GRIK4: variants seen among roughly 807,000 people sequenced by gnomAD.
GRIK4 encodes glutamate receptor ionotropic, kainate 4.
Under a neutral mutation model 104.9 loss-of-function variants are expected in GRIK4, and 40 were observed. That is an observed-to-expected ratio of 0.38 (90% confidence interval 0.30 to 0.50). The LOEUF is 0.50. Ranked by LOEUF, GRIK4 falls within the 20% of genes least tolerant of loss-of-function variation. GRIK4 has a pLI of 0.93. For synonymous variants in GRIK4, 485 were observed against 524.9 expected (o/e 0.92, Z 1.04); for missense variants, 1,047 against 1,308.1 (o/e 0.80, Z 3.08).
At chr11:120,755,641 A>AAATAAT (rs370369560) in intron 3 of GRIK4, among the ~76,000 whole-genome samples, 61 of 149,500 alleles carry the variant, frequency 4.1e-4, no homozygotes, top group African/African-American at 1.3e-3. Context: ...CAAAGATAAT[A>AAATAAT]AATAATAATA....
chr11:120,592,852 C>T (rs1004260238), intron 1 of GRIK4, among the ~76,000 whole-genome samples: 14 of 152,090 alleles, frequency 9.2e-5, no homozygotes, highest in African/African-American at 1.9e-4. Flanking sequence ...TTGGATCATT[C>T]GCAGCAAGGC....
intron 3 of GRIK4, among the ~76,000 whole-genome samples, chr11:120,732,963 G>A (rs537299663): frequency 6.6e-6 from 1 of 152,274 alleles, no homozygotes; most frequent in Admixed American, 6.5e-5. Flanking sequence ...TTATTATATT[G>A]GGGTCTATCT....
intron 3 of GRIK4, among the ~76,000 whole-genome samples, chr11:120,776,029 C>T (rs955506518): frequency 6.6e-6 from 1 of 152,214 alleles, no homozygotes; most frequent in East Asian, 1.9e-4. Context: ...TGACTAAGGA[C>T]CTGGGTACCT....
intron 16 of GRIK4, among the ~76,000 whole-genome samples, chr11:120,959,151 C>G (rs1276616650): frequency 6.6e-6 from 1 of 152,218 alleles, no homozygotes; most frequent in African/African-American, 2.4e-5. Context: ...TCACAACTCT[C>G]CAGCAATAGG....
chr11:120,617,291 A>G (rs1249746965), intron 1 of GRIK4, among the ~76,000 whole-genome samples: 1 of 152,226 alleles, frequency 6.6e-6, no homozygotes, highest in Non-Finnish European at 1.5e-5. Flanking sequence ...TGGTTAATAA[A>G]TAATGGTTGG....
At chr11:120,844,322 C>G (rs993817696) in intron 8 of GRIK4, among the ~76,000 whole-genome samples, 1 of 152,204 alleles carries the variant, frequency 6.6e-6, no homozygotes, top group Non-Finnish European at 1.5e-5. Flanking sequence ...TGCTGCCACA[C>G]ACTCTCCCAG....
intron 1 of GRIK4, among the ~76,000 whole-genome samples, chr11:120,536,926 G>A (rs1337563296): frequency 6.6e-6 from 1 of 152,234 alleles, no homozygotes; most frequent in African/African-American, 2.4e-5. Context: ...GACGCCTGCT[G>A]AGGAGGCGGC....
chr11:120,928,231 G>T (rs1380689368), intron 13 of GRIK4, among the ~76,000 whole-genome samples: 1 of 84,772 alleles, frequency 1.2e-5, no homozygotes, highest in Non-Finnish European at 2.8e-5. Context: ...AAAAAAAAAA[G>T]CTAGAAGGCG....
chr11:120,681,423 G>A (rs1045685471), intron 3 of GRIK4, among the ~76,000 whole-genome samples: 13 of 152,140 alleles, frequency 8.5e-5, no homozygotes, highest in African/African-American at 3.1e-4. Context: ...TCTCTCTCGA[G>A]GCTGCAACAG....
At chr11:120,688,772 A>G (rs1353472537) in intron 3 of GRIK4, among the ~76,000 whole-genome samples, 1 of 152,162 alleles carries the variant, frequency 6.6e-6, no homozygotes, top group Non-Finnish European at 1.5e-5. Context: ...AAGTAGAGCA[A>G]TGGGGGTCAG....
intron 1 of GRIK4, among the ~76,000 whole-genome samples, chr11:120,645,878 A>G (rs1293057681): frequency 1.3e-5 from 2 of 152,160 alleles, no homozygotes; most frequent in African/African-American, 2.4e-5. Context: ...GTTCCGGGCA[A>G]TTACCCTCCT....
chr11:120,658,029 G>T (rs912972039), intron 2 of GRIK4, among the ~76,000 whole-genome samples: 3 of 152,012 alleles, frequency 2.0e-5, no homozygotes, highest in Non-Finnish European at 4.4e-5. Flanking sequence ...GAGTGGTTTG[G>T]TCTATTTTTA....
chr11:120,603,059 A>G (rs1948908354), intron 1 of GRIK4, among the ~76,000 whole-genome samples: 1 of 152,188 alleles, frequency 6.6e-6, no homozygotes, highest in Non-Finnish European at 1.5e-5. Flanking sequence ...AAGGTAGGAG[A>G]GAAGGAGGAA....
chr11:120,582,369 T>A (rs1948596587), intron 1 of GRIK4, among the ~76,000 whole-genome samples: 1 of 152,048 alleles, frequency 6.6e-6, no homozygotes, highest in South Asian at 2.1e-4. Context: ...ATAGGTAAAT[T>A]GCATGTCATG....
Position 120,753,759 on chromosome 11 carries a change from T to C in GRIK4, c.83-48934T>C, listed in dbSNP as rs552787118. ...AATAACGAAGACACCAGAATCTGTT[T>C]TTCCTTTTTGTTTTGTTTTTTAAAC... On this transcript the variant is annotated intron_variant, in intron 3 of 20. Coordinates refer to ENST00000527524, the MANE Select transcript of GRIK4 (RefSeq NM_014619.5). 4.6e-5 allele frequency among the ~76,000 whole-genome samples: 7 copies of C among 152,284 alleles called. No homozygotes were observed. In the South Asian group the frequency reaches 1.2e-3, roughly 27 times the overall value.
intron 4 of GRIK4, among the ~76,000 whole-genome samples, chr11:120,803,502 A>G (rs1952660677): frequency 6.6e-6 from 1 of 152,176 alleles, no homozygotes; most frequent in African/African-American, 2.4e-5. Context: ...CAGTTGCACA[A>G]TCTCAGCTCA....
chr11:120,704,285 A>G (rs955681264), intron 3 of GRIK4, among the ~76,000 whole-genome samples: 1 of 152,138 alleles, frequency 6.6e-6, no homozygotes, highest in African/African-American at 2.4e-5. Context: ...TGGGGATTGT[A>G]TTTTACTCAC....
chr11:120,765,752 C>T (rs1347327491), intron 3 of GRIK4, among the ~76,000 whole-genome samples: 1 of 152,216 alleles, frequency 6.6e-6, no homozygotes, highest in Non-Finnish European at 1.5e-5. Flanking sequence ...CCATTCAAGA[C>T]CCTGTTTGCC....
chr11:120,663,405 T>C (rs1184754488), intron 3 of GRIK4, among the ~76,000 whole-genome samples: 1 of 152,214 alleles, frequency 6.6e-6, no homozygotes, highest in Non-Finnish European at 1.5e-5. Flanking sequence ...TATCCTTGAC[T>C]CCTCTTCCAG....
Sources: allele counts gnomAD v4.1 joint callset (sites outside exome capture counted in the v4.1 genomes callset), GRCh38; gene constraint gnomAD v4.1.1; transcripts MANE v1.5; gene names NCBI Gene and HGNC (gene_info 2026-07-23, HGNC 2026-07-21).